Variants in CEP15 observed in about 807,000 individuals in gnomAD.
CEP15 encodes centrosomal protein 15 kDa.
chr3:62,324,285 T>A, the CEP15 span, among the ~76,000 whole-genome samples: 1 of 151,136 alleles, frequency 6.6e-6, no homozygotes, highest in Non-Finnish European at 1.5e-5. Flanking sequence ...CCCAGCTGCT[T>A]GGGAGGCTGT....
At chr3:62,321,836 G>A in the CEP15 span, 2 of 906,152 alleles carry the variant, frequency 2.2e-6, no homozygotes, top group African/African-American at 3.4e-5. This position sits in a 1 kb window ranked among gnomAD's most constrained non-coding sequence, Gnocchi z 4.1. Context: ...GTTGAAGTGA[G>A]GTGCAATTAA....
At chr3:62,325,335 G>C in the CEP15 span, among the ~76,000 whole-genome samples, 1 of 152,142 alleles carries the variant, frequency 6.6e-6, no homozygotes, top group Admixed American at 6.6e-5. Flanking sequence ...AGTTCCAACA[G>C]AATTTGCCTT....
chr3:62,330,203 T>C, the CEP15 span, among the ~76,000 whole-genome samples: 3 of 152,150 alleles, frequency 2.0e-5, no homozygotes. Context: ...CTGCTATCTC[T>C]TTTCTCCTGT....
the CEP15 span, among the ~76,000 whole-genome samples, chr3:62,332,319 C>T: frequency 1.3e-5 from 2 of 152,100 alleles, no homozygotes; most frequent in African/African-American, 4.8e-5. Context: ...GTTTCTCAGA[C>T]CACATGCATG....
the CEP15 span, among the ~76,000 whole-genome samples, chr3:62,331,864 A>C: frequency 2.0e-5 from 3 of 152,268 alleles, no homozygotes. Context: ...GTTCAAGAAG[A>C]GATTGGGAAG....
At chr3:62,333,408 C>G in the CEP15 span, 1 of 1,602,320 alleles carries the variant, frequency 6.2e-7, no homozygotes, top group Non-Finnish European at 8.5e-7. The surrounding 1 kb of genome is among the most constrained non-coding windows in gnomAD (Gnocchi z 4.0). Context: ...CATGCTATTT[C>G]AAAAAGCCTG....
chr3:62,323,789 C>T, the CEP15 span: 1 of 152,068 alleles, frequency 6.6e-6, no homozygotes, highest in African/African-American at 2.4e-5. Context: ...TAATATATTC[C>T]TACTGTAAAA....
At chr3:62,324,035 T>TA in the CEP15 span, 3 of 152,186 alleles carry the variant, frequency 2.0e-5, no homozygotes, top group Non-Finnish European at 4.4e-5. Flanking sequence ...CGTATGTTTT[T>TA]AAACTTTGGA....
chr3:62,336,152 A>G, the CEP15 span: 5 of 152,258 alleles, frequency 3.3e-5, no homozygotes, highest in Admixed American at 1.3e-4. The surrounding 1 kb of genome is among the most constrained non-coding windows in gnomAD (Gnocchi z 4.4). Context: ...TTTTCCATAA[A>G]AAATAAAGTG....
At chr3:62,333,044 A>G in the CEP15 span, among the ~76,000 whole-genome samples, 1 of 152,142 alleles carries the variant, frequency 6.6e-6, no homozygotes, top group Non-Finnish European at 1.5e-5. The surrounding 1 kb of genome is among the most constrained non-coding windows in gnomAD (Gnocchi z 4.0). Flanking sequence ...TTTACTGAGA[A>G]ATTTGAAAAT....
chr3:62,333,067 G>C, the CEP15 span, among the ~76,000 whole-genome samples: 2 of 152,074 alleles, frequency 1.3e-5, no homozygotes, highest in South Asian at 2.1e-4. The surrounding 1 kb of genome is among the most constrained non-coding windows in gnomAD (Gnocchi z 4.0). Context: ...ACACTAGTAA[G>C]TAGCCAGATT....
the CEP15 span, among the ~76,000 whole-genome samples, chr3:62,326,697 C>T: frequency 2.6e-5 from 4 of 152,164 alleles, no homozygotes; most frequent in African/African-American, 9.7e-5. Flanking sequence ...AATGTACTTG[C>T]ATGTGCTTAT....
At chr3:62,324,977 A>G in the CEP15 span, among the ~76,000 whole-genome samples, 1 of 152,222 alleles carries the variant, frequency 6.6e-6, no homozygotes, top group Non-Finnish European at 1.5e-5. Context: ...TAAAAGTAGT[A>G]TAATATGAGT....
chr3:62,331,318 G>T, the CEP15 span: 1 of 1,612,150 alleles, frequency 6.2e-7, no homozygotes. Flanking sequence ...GCCGATATCT[G>T]TTACAGGATA....
chr3:62,329,042 T>A, the CEP15 span, among the ~76,000 whole-genome samples: 1 of 152,066 alleles, frequency 6.6e-6, no homozygotes, highest in Admixed American at 6.6e-5. Context: ...TTAGGTATAG[T>A]TGGAAGTAAA....
chr3:62,332,815 T>G, the CEP15 span, among the ~76,000 whole-genome samples: 1 of 152,168 alleles, frequency 6.6e-6, no homozygotes. Context: ...TCAAATCTTT[T>G]GATGTTAATC....
chr3:62,319,948 T>C, the CEP15 span: 3 of 152,462 alleles, frequency 2.0e-5, no homozygotes, highest in African/African-American at 7.2e-5. Context: ...GTGCTTTTCC[T>C]CGCAGTTACA....
the CEP15 span, chr3:62,321,816 A>G: frequency 9.6e-6 from 7 of 730,646 alleles, no homozygotes; most frequent in East Asian, 2.1e-4. The surrounding 1 kb of genome is among the most constrained non-coding windows in gnomAD (Gnocchi z 4.1). Context: ...GACTTTCAGA[A>G]TAGGTTAGAG....
the CEP15 span, among the ~76,000 whole-genome samples, chr3:62,331,681 AC>A: frequency 2.6e-5 from 4 of 152,118 alleles, no homozygotes; most frequent in African/African-American, 7.2e-5. Flanking sequence ...TTAAACCATA[AC>A]AGACAATATG....
Sources: gnomAD v4.1 joint callset for allele counts (sites outside exome capture counted in the v4.1 genomes callset) on GRCh38, gnomAD v4.1.1 for gene constraint, Gnocchi (gnomAD v3.1) non-coding constraint, MANE v1.5 for transcripts, NCBI Gene and HGNC (gene_info 2026-07-23, HGNC 2026-07-21) for gene names.